Variants in RBM25 observed in about 807,000 individuals in gnomAD.
RBM25 encodes the protein RNA binding motif protein 25.
A neutral mutation model predicts 120.7 loss-of-function variants in RBM25; 19 were observed. That is an observed-to-expected ratio of 0.16 (90% CI 0.11 to 0.23). The LOEUF (loss-of-function observed/expected upper bound fraction) is 0.23, where lower values mean the gene tolerates loss of function less well. Among genes scored for constraint, RBM25 ranks in the 10% least tolerant of loss-of-function variants. The pLI, the probability that RBM25 is intolerant of heterozygous loss-of-function variation, is 1.00. For synonymous variants in RBM25, 390 were observed against 326.7 expected (o/e 1.19, Z -2.09); for missense variants, 605 against 1,041.5 (o/e 0.58, Z 5.77).
At chr14:73,086,603 T>G (rs1895691528) in intron 5 of RBM25, among the ~76,000 whole-genome samples, 1 of 152,202 alleles carries the variant, frequency 6.6e-6, no homozygotes, top group Non-Finnish European at 1.5e-5. Context: ...CCATTGGGGA[T>G]GATAAACTAT....
intron 1 of RBM25, 42 bp from the exon 2 acceptor site, chr14:73,071,585 C>A: frequency 2.2e-6 from 3 of 1,352,970 alleles, no homozygotes; most frequent in East Asian, 2.4e-5. Flanking sequence ...AAAATTGTGA[C>A]GTTTTCAAAT....
At chr14:73,099,231 C>T in intron 7 of RBM25, 149 bp from the exon 8 acceptor site, 1 of 683,596 alleles carries the variant, frequency 1.5e-6, no homozygotes. Flanking sequence ...AGTGAAATCA[C>T]TTCTATTCCC....
chr14:73,111,936 CTCAATGCCATGG>C lies in RBM25; in HGVS notation c.2292+139_2292+150del, dbSNP rs1251492126. 2.5e-6 allele frequency: 3 copies of C among 1,222,558 alleles called. No homozygotes were observed. In the African/African-American group the frequency reaches 4.6e-5, roughly 19 times the overall value. The allele number at this position is 1,222,558 out of a possible 1,614,324, so 75.7% of individuals were successfully genotyped here. A position where few individuals can be genotyped will look rare whatever the true frequency, so the allele number is the denominator to read the frequency against. ...GTAGGGATGATCATCTTGACACCAA[CTCAATGCCATGG>C]TCAAGAAATTAGTAATAATGGAAAT... On this transcript the variant is annotated intron_variant, in intron 16 of 18. Transcript: ENST00000261973.
At chr14:73,095,553 G>T (rs1895924039) in intron 6 of RBM25, among the ~76,000 whole-genome samples, 1 of 151,574 alleles carries the variant, frequency 6.6e-6, no homozygotes, top group Admixed American at 6.6e-5. Flanking sequence ...CTTGCAGTGA[G>T]CTGAGATCAC....
At chr14:73,104,141 G>T (rs919825649) in intron 10 of RBM25, among the ~76,000 whole-genome samples, 2 of 151,972 alleles carry the variant, frequency 1.3e-5, no homozygotes, top group African/African-American at 4.8e-5. Flanking sequence ...CCTTGGGTCC[G>T]TGGGCATTTT....
At chr14:73,062,502 A>C (rs1895027456) in intron 1 of RBM25, among the ~76,000 whole-genome samples, 1 of 151,502 alleles carries the variant, frequency 6.6e-6, no homozygotes, top group Admixed American at 6.6e-5. Flanking sequence ...TTTTGTTTCT[A>C]TCTGGATAAG....
chr14:73,079,577 T>G (rs1895510720), intron 4 of RBM25, among the ~76,000 whole-genome samples: 2 of 150,636 alleles, frequency 1.3e-5, no homozygotes, highest in Admixed American at 1.3e-4. Flanking sequence ...TCATGAGTAG[T>G]TCAGTATGAG....
Position 73,088,036 on chromosome 14 carries a change from A to G in RBM25, c.418A>G (p.Thr140Ala). The change falls in exon 6 of 19, where the codon ACC becomes GCC. Residue 140 changes from threonine to alanine, a missense_variant. This residue lies in a region of RBM25 where 27 missense variants were observed against 109.4 expected (regional missense o/e 0.25). Transcript: ENST00000261973. ...CTGTGAGTACAAGGAGCCAGAATCTACCCTCCGTGCACTCAGATTATTACA... is the reference window on the plus strand; with the variant it reads ...CTGTGAGTACAAGGAGCCAGAATCTGCCCTCCGTGCACTCAGATTATTACA... ...GFCEYKEPES[T>A]LRALRLLHDL... 6.2e-7 allele frequency: 1 copy of G among 1,614,162 alleles called. No individual in the cohort carries two copies. The highest frequency in any genetic ancestry group is 1.3e-5 in the African/African-American group (1 of 75,044).
rs1461411219 is a variant in RBM25 at position 73,120,686 on chromosome 14, C to G, written c.*881C>G. 1.3e-5 allele frequency: 2 copies of G among 152,040 alleles called. No individual in the cohort carries two copies. Among genetic ancestry groups the G allele is most frequent in the African/African-American group, 2.4e-5 (1 of 41,394 alleles). 9.4% of individuals were successfully genotyped at this position (152,040 alleles called of 1,614,324 possible). ...TAATGCATTTTTGCACTAATTGGTCCTTAGTTTAATTCTATTGTATCTGTT... is the reference window on the plus strand; with the variant it reads ...TAATGCATTTTTGCACTAATTGGTCGTTAGTTTAATTCTATTGTATCTGTT... On this transcript the variant is annotated 3_prime_UTR_variant, in exon 19 of 19. Coordinates refer to ENST00000261973, the MANE Select transcript of RBM25 (RefSeq NM_021239.3).
chr14:73,087,605 C>T (rs531091560), intron 5 of RBM25, among the ~76,000 whole-genome samples: 1 of 151,934 alleles, frequency 6.6e-6, no homozygotes, highest in Admixed American at 6.6e-5. Flanking sequence ...CTGTGTTGGC[C>T]AGAATGGTCT....
At chr14:73,080,514 C>T (rs926976248) in intron 4 of RBM25, among the ~76,000 whole-genome samples, 5 of 152,054 alleles carry the variant, frequency 3.3e-5, no homozygotes, top group South Asian at 2.1e-4. Flanking sequence ...TGAGCCACCG[C>T]GCCCGGCCCT....
At chr14:73,117,226 T>TC (rs1896453045) in intron 18 of RBM25, among the ~76,000 whole-genome samples, 1 of 117,752 alleles carries the variant, frequency 8.5e-6, no homozygotes, top group Admixed American at 8.8e-5. Context: ...TTTTTTTTTT[T>TC]TTTTTTTTTT....
chr14:73,082,914 A>C (rs1031660331), intron 4 of RBM25, among the ~76,000 whole-genome samples: 5 of 151,514 alleles, frequency 3.3e-5, no homozygotes, highest in Admixed American at 6.6e-5. Context: ...AAATAAAAAA[A>C]AAAAAACAAA....
At chr14:73,072,058 C>T (rs1466530164) in intron 2 of RBM25, among the ~76,000 whole-genome samples, 3 of 152,030 alleles carry the variant, frequency 2.0e-5, no homozygotes, top group African/African-American at 4.8e-5. Context: ...CTGCAACCTC[C>T]ACCTCCTAGG....
At chr14:73,106,834 T>G (rs1333945174) in intron 12 of RBM25, among the ~76,000 whole-genome samples, 1 of 150,260 alleles carries the variant, frequency 6.7e-6, no homozygotes, top group Non-Finnish European at 1.5e-5. Context: ...CATATATATG[T>G]ATATACTTTT....
chr14:73,071,786 A>G (rs763978143), intron 2 of RBM25, 39 bp downstream of exon 2: 5 of 1,495,228 alleles, frequency 3.3e-6, no homozygotes, highest in Non-Finnish European at 3.7e-6. Context: ...TTAAACTTGT[A>G]CTTTTGTCTT....
At chr14:73,085,389 A>G (rs772038828) in intron 5 of RBM25, among the ~76,000 whole-genome samples, 2 of 149,022 alleles carry the variant, frequency 1.3e-5, no homozygotes, top group Non-Finnish European at 1.5e-5. Context: ...ATATTAGTAG[A>G]ATGCTTCTCT....
rs1413552221 is a variant in RBM25, at chr14:73,122,068, A to G, written c.*2263A>G. On this transcript the variant is annotated 3_prime_UTR_variant, in exon 19 of 19. Transcript: ENST00000261973. ...AGTTGGTTGATTTTTAGAATTGTAT[A>G]TATAAAGAATTAGACATTAAACAGG... 2.0e-5 allele frequency: 3 copies of G among 152,244 alleles called. No homozygotes were observed. The highest frequency in any genetic ancestry group is 6.5e-5 in the Admixed American group (1 of 15,284). 9.4% of individuals were successfully genotyped at this position (152,244 alleles called of 1,614,324 possible).
chr14:73,100,469 C>T (rs1896034367), intron 9 of RBM25: 1 of 492,662 alleles, frequency 2.0e-6, no homozygotes, highest in Non-Finnish European at 3.7e-6. Flanking sequence ...GTAAATCCCA[C>T]TCACGAGTTT....
Sources: gnomAD v4.1 joint callset for allele counts (sites outside exome capture counted in the v4.1 genomes callset) on GRCh38, gnomAD v4.1.1 for gene constraint, gnomAD v4.1.1 regional missense constraint, MANE v1.5 for transcripts, NCBI Gene and HGNC (gene_info 2026-07-23, HGNC 2026-07-21) for gene names.